Variants in RALGPS1 observed in about 807,000 individuals in gnomAD.
The protein encoded by RALGPS1 is Ral GEF with PH domain and SH3 binding motif 1, also known as ras-specific guanine nucleotide-releasing factor RalGPS1.
RALGPS1 carries 19 observed loss-of-function variants against 78.8 expected under a neutral mutation model. The observed-to-expected ratio is 0.24, with a 90% CI of 0.17 to 0.35. The LOEUF (loss-of-function observed/expected upper bound fraction) is 0.35, where lower values mean the gene tolerates loss of function less well. Ranked by LOEUF, RALGPS1 falls within the 10% of genes least tolerant of loss-of-function variation. RALGPS1 has a pLI of 1.00. For missense variants in RALGPS1, 454 were observed against 688.3 expected, an observed-to-expected ratio of 0.66 and a Z score of 3.81; for synonymous variants, 228 against 256.3, an observed-to-expected ratio of 0.89 and a Z score of 1.06.
At position 127,221,812 on chromosome 9, in the gene RALGPS1, A is replaced by C. The variant is rs1237506168; in HGVS notation, c.*3043A>C. ...AGCCCCAAGAGGTGTACCTTTTCAG[A>C]TGCCATTTTACAGGCGGAAATGCTC... On this transcript the variant is annotated 3_prime_UTR_variant, in exon 19 of 19. Coordinates refer to ENST00000259351, the MANE Select transcript of RALGPS1 (RefSeq NM_014636.3). The C allele has an allele frequency of 2.0e-5, 3 of 152,128 alleles. No homozygotes were observed. Among genetic ancestry groups the C allele is most frequent in the Non-Finnish European group, 2.9e-5 (2 of 68,020 alleles). 9.4% of individuals were successfully genotyped at this position (152,128 alleles called of 1,614,324 possible).
intron 1 of RALGPS1, among the ~76,000 whole-genome samples, chr9:126,930,189 T>A (rs887080182): frequency 3.8e-4 from 57 of 149,666 alleles, no homozygotes; most frequent in Non-Finnish European, 6.0e-4. Flanking sequence ...TTTTTTTTTT[T>A]AAACTCCAAA....
At chr9:127,057,714 A>G (rs1450392060) in intron 7 of RALGPS1, among the ~76,000 whole-genome samples, 1 of 152,206 alleles carries the variant, frequency 6.6e-6, no homozygotes, top group East Asian at 1.9e-4. Flanking sequence ...CTGAGTACAC[A>G]TCACCGTGTG....
At chr9:126,973,590 T>C (rs2040324615) in intron 3 of RALGPS1, among the ~76,000 whole-genome samples, 1 of 152,204 alleles carries the variant, frequency 6.6e-6, no homozygotes, top group Non-Finnish European at 1.5e-5. Context: ...TTTTATTCGT[T>C]TTGATTGTGC....
In RALGPS1 at chr9:126,930,552, C is replaced by T. The variant is rs115083051; in HGVS notation, c.-66+15577C>T. Among the ~76,000 whole-genome samples the T allele has an allele frequency of 7.6e-3, 1,157 of 152,292 alleles. 13 individuals are homozygous for T. Among genetic ancestry groups the T allele is most frequent in the African/African-American group, 0.026 (1,100 of 41,566 alleles). ...TCACATCCCAAGTTCAGACGGTTCT[C>T]ATGCTTCAGCCTCCTGTGTAGCTAG... On this transcript the variant is annotated intron_variant, in intron 1 of 18. Coordinates refer to ENST00000259351, the MANE Select transcript of RALGPS1 (RefSeq NM_014636.3).
At chr9:126,959,876 C>G (rs2038713789) in intron 1 of RALGPS1, among the ~76,000 whole-genome samples, 1 of 152,172 alleles carries the variant, frequency 6.6e-6, no homozygotes, top group African/African-American at 2.4e-5. Context: ...GACAGAAAGT[C>G]AGTGGTACCC....
rs140972576 is a variant in RALGPS1, at chr9:127,182,555, G to T, written c.910+7773G>T. On this transcript the variant is annotated intron_variant, in intron 11 of 18. Coordinates refer to ENST00000259351, the MANE Select transcript of RALGPS1 (RefSeq NM_014636.3). Reference sequence around the variant, plus strand: ...AGTGATTCTCCTGCCTCAGCCTCCCGAGTAGCTGGGATTACAGTCGCCCGC... The same window carrying T: ...AGTGATTCTCCTGCCTCAGCCTCCCTAGTAGCTGGGATTACAGTCGCCCGC... Among the ~76,000 whole-genome samples the T allele has an allele frequency of 3.4e-3, 516 of 151,380 alleles. 4 individuals are homozygous for T. The highest frequency in any genetic ancestry group is 4.9e-3 in the Non-Finnish European group (330 of 67,836).
intron 4 of RALGPS1, among the ~76,000 whole-genome samples, chr9:127,010,777 T>C (rs1212201339): frequency 1.3e-5 from 2 of 152,198 alleles, no homozygotes; most frequent in Non-Finnish European, 2.9e-5. Flanking sequence ...GTGCAGCCTT[T>C]AGTTTTACAT....
rs2038887104 is a variant in RALGPS1 at position 126,961,374 on chromosome 9, G to GTATGCCAAGCATACATTATGTATGCCA, written c.-65-851_-65-850insTATGCCAAGCATACATTATGTATGCCA. ...CTACTTCAGGATTTTTGGGTTAGATGAGCTAATGTATGCCAAGCATGGCAT... is the reference window on the plus strand; with the variant it reads ...CTACTTCAGGATTTTTGGGTTAGATGTATGCCAAGCATACATTATGTATGCCAAGCTAATGTATGCCAAGCATGGCAT... On this transcript the variant is annotated intron_variant, in intron 1 of 18. Coordinates refer to ENST00000259351, the MANE Select transcript of RALGPS1 (RefSeq NM_014636.3). Among the ~76,000 whole-genome samples the GTATGCCAAGCATACATTATGTATGCCA allele has an allele frequency of 2.0e-5, 3 of 152,308 alleles. No homozygotes were observed. In the South Asian group the frequency reaches 6.2e-4, roughly 32 times the overall value.
intron 4 of RALGPS1, among the ~76,000 whole-genome samples, chr9:127,014,185 TAAA>T (rs1284929312): frequency 6.6e-6 from 1 of 152,176 alleles, no homozygotes; most frequent in African/African-American, 2.4e-5. Context: ...CTTCCAGCCT[TAAA>T]AAAGGGGTTT....
intron 1 of RALGPS1, among the ~76,000 whole-genome samples, chr9:126,952,656 A>AGTGTGTGTGTGTGT (rs1281535322): frequency 1.3e-4 from 18 of 138,918 alleles, no homozygotes; most frequent in South Asian, 1.2e-3. Flanking sequence ...AGAGAGAGAG[A>AGTGTGTGTGTGTGT]GTGTGTGTGT....
intron 4 of RALGPS1, among the ~76,000 whole-genome samples, chr9:127,016,111 C>G (rs2044798095): frequency 6.6e-6 from 1 of 151,970 alleles, no homozygotes; most frequent in Non-Finnish European, 1.5e-5. Flanking sequence ...CCTTCCCTGC[C>G]ACCCCACTGT....
chr9:127,054,602 A>G (rs2048558581), intron 7 of RALGPS1, among the ~76,000 whole-genome samples: 1 of 152,176 alleles, frequency 6.6e-6, no homozygotes, highest in South Asian at 2.1e-4. Context: ...AGCAGTATCC[A>G]GGACCACTCT....
At chr9:127,165,283 C>G (rs896760537) in intron 8 of RALGPS1, among the ~76,000 whole-genome samples, 1 of 152,244 alleles carries the variant, frequency 6.6e-6, no homozygotes, top group Non-Finnish European at 1.5e-5. Context: ...GTCTGAAGCT[C>G]GGCCCTGCAG....
At chr9:126,948,342 T>A (rs1424438342) in intron 1 of RALGPS1, among the ~76,000 whole-genome samples, 3 of 151,944 alleles carry the variant, frequency 2.0e-5, no homozygotes, top group Non-Finnish European at 4.4e-5. Context: ...ATGGTGAAAC[T>A]CTGTCTCTAC....
intron 1 of RALGPS1, among the ~76,000 whole-genome samples, chr9:126,939,443 T>G (rs1387686863): frequency 6.6e-6 from 1 of 152,204 alleles, no homozygotes; most frequent in Non-Finnish European, 1.5e-5. Context: ...TGATCAACAC[T>G]TATTGCACAG....
chr9:127,087,602 C>T (rs2051919448), intron 8 of RALGPS1: 1 of 152,398 alleles, frequency 6.6e-6, no homozygotes, highest in African/African-American at 2.4e-5. Context: ...GGCAATAGTC[C>T]CGGGAGTGCT....
At chr9:127,167,669 G>A (rs2059362914) in intron 9 of RALGPS1, among the ~76,000 whole-genome samples, 1 of 152,242 alleles carries the variant, frequency 6.6e-6, no homozygotes, top group Non-Finnish European at 1.5e-5. Flanking sequence ...AGAGGACACT[G>A]AGGCTTCAGA....
At chr9:126,985,880 G>T (rs1438835939) in intron 4 of RALGPS1, among the ~76,000 whole-genome samples, 1 of 152,208 alleles carries the variant, frequency 6.6e-6, no homozygotes, top group Non-Finnish European at 1.5e-5. Flanking sequence ...TTGAATGAGT[G>T]GAGTGTGAAT....
chr9:126,929,012 G>A (rs1052212286), intron 1 of RALGPS1, among the ~76,000 whole-genome samples: 1 of 152,060 alleles, frequency 6.6e-6, no homozygotes, highest in Non-Finnish European at 1.5e-5. Flanking sequence ...GCATGGATTT[G>A]GTGGCATATT....
Sources: allele counts gnomAD v4.1 joint callset (sites outside exome capture counted in the v4.1 genomes callset), GRCh38; gene constraint gnomAD v4.1.1; transcripts MANE v1.5; gene names NCBI Gene and HGNC (gene_info 2026-07-23, HGNC 2026-07-21).